DACH2: variants seen among roughly 807,000 people sequenced by gnomAD.
DACH2 encodes the protein dachshund homolog 2.
A neutral mutation model predicts 35.8 loss-of-function variants in DACH2; 17 were observed. That is an observed-to-expected ratio of 0.48 (90% CI 0.33 to 0.71). The LOEUF is 0.71. DACH2 is among the 30% of genes least tolerant of loss of function. The probability of loss-of-function intolerance (pLI) is 0.02; values close to 1 mark genes in which losing one functional copy is unlikely to be tolerated. For missense variants in DACH2, 469 were observed against 472.7 expected, an observed-to-expected ratio of 0.99 and a Z score of 0.07; for synonymous variants, 195 against 177.3, an observed-to-expected ratio of 1.10 and a Z score of -0.79.
At chrX:86,713,013 A>G (rs2041296228) in intron 5 of DACH2, among the ~76,000 whole-genome samples, 1 of 111,441 alleles carries the variant, frequency 9.0e-6, no homozygotes, top group South Asian at 3.7e-4. Flanking sequence ...TTCTTTATTT[A>G]GGAATTCCTT....
chrX:86,630,309 C>T (rs1006448184), intron 3 of DACH2, among the ~76,000 whole-genome samples: 1 of 109,029 alleles, frequency 9.2e-6, no homozygotes, highest in Non-Finnish European at 1.9e-5. Flanking sequence ...CTTGGTTTAC[C>T]GATCTGAGAA....
intron 1 of DACH2, among the ~76,000 whole-genome samples, chrX:86,180,202 A>ATATATATATATATT (rs1338071562): frequency 2.4e-4 from 21 of 89,036 alleles, no homozygotes; most frequent in African/African-American, 8.2e-4. Context: ...ATATATATAT[A>ATATATATATATATT]TATATGGTTC....
At chrX:86,406,567 G>A (rs1394796143) in intron 2 of DACH2, among the ~76,000 whole-genome samples, 2 of 112,194 alleles carry the variant, frequency 1.8e-5, no homozygotes, top group Admixed American at 1.9e-4. Context: ...AAAGAAGTTT[G>A]TTAGAGGTGT....
At chrX:86,347,368 C>G (rs901615004) in intron 1 of DACH2, among the ~76,000 whole-genome samples, 12 of 107,655 alleles carry the variant, frequency 1.1e-4, no homozygotes, top group African/African-American at 4.1e-4. Flanking sequence ...GTATTCCTCT[C>G]CCCTCAGCAC....
At chrX:86,182,186 T>G (rs1485313555) in intron 1 of DACH2, among the ~76,000 whole-genome samples, 1 of 112,226 alleles carries the variant, frequency 8.9e-6, no homozygotes, top group Non-Finnish European at 1.9e-5. Flanking sequence ...GGTCTTTAGT[T>G]TAATTAGATC....
At chrX:86,199,974 G>A (rs2032104693) in intron 1 of DACH2, among the ~76,000 whole-genome samples, 3 of 111,689 alleles carry the variant, frequency 2.7e-5, no homozygotes, top group Admixed American at 9.5e-5. Flanking sequence ...ACCAAAAATA[G>A]CCCAAATAAG....
At chrX:86,781,671 G>T (rs2042090665) in intron 7 of DACH2, among the ~76,000 whole-genome samples, 1 of 111,028 alleles carries the variant, frequency 9.0e-6, no homozygotes. Flanking sequence ...TTCTCTAGAA[G>T]GACAGAACTA....
rs1176485190 is a variant in DACH2 at position 86,623,775 on chromosome X, C to G, written c.641-27261C>G. On this transcript the variant is annotated intron_variant, in intron 3 of 11. Transcript: ENST00000373125. ...GACCTATTAAAAAGTGGCGGCCGGG[C>G]GCGGTGGCTCACGCCTGTAATCCCA... Among the ~76,000 whole-genome samples, 5 of 98,705 alleles carry G rather than the reference C, an allele frequency of 5.1e-5. No individual in the cohort carries two copies. In the Admixed American group the frequency reaches 5.1e-4, roughly 10 times the overall value. The allele number at this position is 98,705 out of a possible 115,157, so 85.7% of individuals were successfully genotyped here.
chrX:86,427,772 G>C (rs964381668), intron 2 of DACH2, among the ~76,000 whole-genome samples: 13 of 111,807 alleles, frequency 1.2e-4, no homozygotes, highest in African/African-American at 4.2e-4. Context: ...TCAAAAAATG[G>C]AAATAAAACA....
At chrX:86,566,821 C>T (rs1017559524) in intron 3 of DACH2, among the ~76,000 whole-genome samples, 8 of 110,945 alleles carry the variant, frequency 7.2e-5, no homozygotes, top group African/African-American at 2.6e-4. Flanking sequence ...CGCAAGTATC[C>T]TATAAAATAC....
At chrX:86,599,397 C>G (rs752826219) in intron 3 of DACH2, among the ~76,000 whole-genome samples, 1 of 107,999 alleles carries the variant, frequency 9.3e-6, no homozygotes, top group East Asian at 2.9e-4. Context: ...CAGAAATTGC[C>G]TCTTTTCTTC....
intron 1 of DACH2, among the ~76,000 whole-genome samples, chrX:86,259,370 CAT>C (rs1417616666): frequency 9.0e-6 from 1 of 111,579 alleles, no homozygotes; most frequent in African/African-American, 3.3e-5. Context: ...ACACAATTTA[CAT>C]ATTAATTCCA....
intron 1 of DACH2, among the ~76,000 whole-genome samples, chrX:86,165,564 A>G (rs972826559): frequency 9.0e-6 from 1 of 110,998 alleles, no homozygotes; most frequent in East Asian, 2.8e-4. Context: ...TTCGATTTGC[A>G]TTTCTCTGAT....
chrX:86,521,816 G>A (rs1569427475), intron 3 of DACH2, among the ~76,000 whole-genome samples: 1 of 111,676 alleles, frequency 9.0e-6, no homozygotes, highest in Non-Finnish European at 1.9e-5. Flanking sequence ...CAAATGTGTG[G>A]AGGAAAAGTT....
intron 2 of DACH2, among the ~76,000 whole-genome samples, chrX:86,449,609 T>C (rs1407511286): frequency 5.6e-5 from 6 of 107,777 alleles, no homozygotes; most frequent in Admixed American, 9.7e-5. Flanking sequence ...TTAAGCGATT[T>C]CCTCTAGTAG....
chrX:86,803,714 A>C (rs1177690071), intron 7 of DACH2, among the ~76,000 whole-genome samples: 1 of 110,865 alleles, frequency 9.0e-6, no homozygotes, highest in African/African-American at 3.3e-5. Context: ...AAAATCAGAA[A>C]AAAGTCACTA....
intron 7 of DACH2, among the ~76,000 whole-genome samples, chrX:86,773,771 T>C (rs1343260): frequency 9.1e-6 from 1 of 110,283 alleles, no homozygotes; most frequent in African/African-American, 3.3e-5. Context: ...CTTTACCACC[T>C]CACCACCACC....
intron 7 of DACH2, among the ~76,000 whole-genome samples, chrX:86,776,841 G>C (rs908479922): frequency 9.0e-5 from 10 of 111,236 alleles, no homozygotes; most frequent in Non-Finnish European, 1.9e-4. Flanking sequence ...TGCGGTGTTT[G>C]GTTTTTTGTC....
At chrX:86,441,187 T>G (rs938324498) in intron 2 of DACH2, among the ~76,000 whole-genome samples, 2 of 111,487 alleles carry the variant, frequency 1.8e-5, no homozygotes, top group African/African-American at 6.5e-5. Context: ...AATAATTTAA[T>G]AATTTATCAA....
Sources: allele counts gnomAD v4.1 joint callset (sites outside exome capture counted in the v4.1 genomes callset), GRCh38; gene constraint gnomAD v4.1.1; transcripts MANE v1.5; gene names NCBI Gene and HGNC (gene_info 2026-07-23, HGNC 2026-07-21).